RRM2: variants seen among roughly 807,000 people sequenced by gnomAD.
RRM2 encodes ribonucleotide reductase regulatory subunit M2.
A neutral mutation model predicts 45.9 loss-of-function variants in RRM2; 6 were observed. That is an observed-to-expected ratio of 0.13 (90% CI 0.07 to 0.26). The LOEUF is 0.26. Ranked by LOEUF, RRM2 falls within the 10% of genes least tolerant of loss-of-function variation. The pLI, the probability that RRM2 is intolerant of heterozygous loss-of-function variation, is 1.00. For synonymous variants in RRM2, 177 were observed against 173.0 expected (o/e 1.02, Z -0.18); for missense variants, 343 against 489.5 (o/e 0.70, Z 2.82).
intron 3 of RRM2, among the ~76,000 whole-genome samples, chr2:10,162,710 G>A (rs1348392334): frequency 6.6e-6 from 1 of 151,420 alleles, no homozygotes; most frequent in Non-Finnish European, 1.5e-5. Context: ...CGAGGCCTGG[G>A]GAGTCACAGC....
At chr2:10,122,652 G>A, upstream of RRM2, 5 of 1,547,872 alleles carry the variant, frequency 3.2e-6, no homozygotes, top group Non-Finnish European at 4.4e-6. Flanking sequence ...ACAGCCAATG[G>A]GAAGGGCCGG....
Position 10,172,018 on chromosome 2 carries a change from G to A in RRM2, n.482+29643G>A, listed in dbSNP as rs547779886. Among the ~76,000 whole-genome samples, 3 of 152,184 alleles carry A rather than the reference G, an allele frequency of 2.0e-5. No homozygotes were observed. Among genetic ancestry groups the A allele is most frequent in the Non-Finnish European group, 4.4e-5 (3 of 68,026 alleles). On this transcript the variant is annotated intron_variant and non_coding_transcript_variant, in intron 3 of 3. Coordinates refer to the RRM2 transcript ENST00000381786. This position sits in a 1 kb window ranked among gnomAD's most constrained non-coding sequence, Gnocchi z 4.9. ...CAGAGGAGCCCTGCTAGTCCAGGCC[G>A]GGCCAGCGCCCAAGGATGAGGGGAA...
intron 5 of RRM2, 163 bp from the exon 6 acceptor site, chr2:10,126,712 C>A: frequency 3.1e-6 from 2 of 642,614 alleles, no homozygotes; most frequent in South Asian, 1.9e-5. Flanking sequence ...GAGGGAAAAA[C>A]TGACCAGTAA....
At chr2:10,190,233 ATGATGGTGG>A (rs1330673238) in intron 3 of RRM2, among the ~76,000 whole-genome samples, 5 of 136,494 alleles carry the variant, frequency 3.7e-5, no homozygotes, top group East Asian at 4.8e-4. Flanking sequence ...AGTGATGGTG[ATGATGGTGG>A]TGATGGTGGT....
intron 3 of RRM2, among the ~76,000 whole-genome samples, chr2:10,154,764 C>CAACACT (rs1663391529): frequency 7.2e-6 from 1 of 138,626 alleles, no homozygotes; most frequent in African/African-American, 2.7e-5. Flanking sequence ...GGCGCGATCT[C>CAACACT]GGCTCACTGC....
upstream of RRM2, among the ~76,000 whole-genome samples, chr2:10,138,232 A>G (rs1290881295): frequency 6.6e-6 from 1 of 150,544 alleles, no homozygotes; most frequent in East Asian, 1.9e-4. Context: ...CAATGGCGCA[A>G]TCTCAGCTCA....
rs1261198163 is a variant in RRM2 at position 10,172,720 on chromosome 2, G to A, written n.482+30345G>A. Among the ~76,000 whole-genome samples the A allele has an allele frequency of 6.6e-6, 1 of 152,206 alleles. No homozygotes were observed. Among genetic ancestry groups the A allele is most frequent in the African/African-American group, 2.4e-5 (1 of 41,442 alleles). On this transcript the variant is annotated intron_variant and non_coding_transcript_variant, in intron 3 of 3. Transcript: ENST00000381786. The surrounding 1 kb of genome is among the most constrained non-coding windows in gnomAD (Gnocchi z 4.9). ...CCTGGCGAAGGGAGGGGCTGGGTGT[G>A]TTGTTGCTGCACCCAGGACTGCCCA... is the stretch of plus-strand genomic sequence containing the variant.
intron 3 of RRM2, among the ~76,000 whole-genome samples, chr2:10,147,493 C>T (rs1273481416): frequency 1.3e-5 from 2 of 151,974 alleles, no homozygotes; most frequent in African/African-American, 4.8e-5. Flanking sequence ...GTTGCCCAGG[C>T]AACAAGCAAA....
At position 10,129,427 on chromosome 2, in the gene RRM2, T is replaced by C. The variant is rs1186886752; in HGVS notation, c.*41T>C. 1.9e-6 allele frequency: 3 copies of C among 1,569,322 alleles called. No individual in the cohort carries two copies. Among genetic ancestry groups the C allele is most frequent in the African/African-American group, 2.8e-5 (2 of 72,674 alleles). ...GCCCTTACTTGGCTGATTTTTTTTT[T>C]CCATCTCATAAGAAAAATCAGCTGA... On this transcript the variant is annotated 3_prime_UTR_variant, in exon 10 of 10. Transcript: ENST00000304567. This position sits in a 1 kb window ranked among gnomAD's most constrained non-coding sequence, Gnocchi z 4.8.
In RRM2 at chr2:10,126,866, G is replaced by T. The variant is rs745863235; in HGVS notation, c.570-9G>T. On this transcript the variant is annotated splice_polypyrimidine_tract_variant and intron_variant, in intron 5 of 9. Coordinates refer to ENST00000304567, the MANE Select transcript of RRM2 (RefSeq NM_001034.4). Reference sequence around the variant, plus strand: ...TGCTTCAATTGCTGATACCGTATGTGCCTACTAGGGAATTTCTCTTCAATG... The same window carrying T: ...TGCTTCAATTGCTGATACCGTATGTTCCTACTAGGGAATTTCTCTTCAATG... 1 of 1,609,132 alleles carries T rather than the reference G, an allele frequency of 6.2e-7. No homozygotes were observed. The highest frequency in any genetic ancestry group is 1.7e-5 in the Admixed American group (1 of 59,678).
upstream of RRM2, chr2:10,122,646 C>T: frequency 6.5e-7 from 1 of 1,546,534 alleles, no homozygotes; most frequent in Non-Finnish European, 8.7e-7. Context: ...CATGGCACAG[C>T]CAATGGGAAG....
At position 10,126,981 on chromosome 2, in the gene RRM2, C is replaced by T; in HGVS notation, c.664+12C>T. On this transcript the variant is annotated intron_variant, in intron 6 of 9. Coordinates refer to ENST00000304567, the MANE Select transcript of RRM2 (RefSeq NM_001034.4). ...AGAGGCTACCTATGGTAAGGAGACC[C>T]TTGCCCCTACTTAAACCTGAGCTTC... The T allele has an allele frequency of 6.2e-7, 1 of 1,613,272 alleles. No individual in the cohort carries two copies.
intron 3 of RRM2, among the ~76,000 whole-genome samples, chr2:10,209,312 C>T (rs1312388589): frequency 6.6e-6 from 1 of 152,048 alleles, no homozygotes; most frequent in African/African-American, 2.4e-5. Context: ...CTGATCTTGG[C>T]CTCCCAAAGT....
intron 3 of RRM2, among the ~76,000 whole-genome samples, chr2:10,203,332 A>G (rs1327480118): frequency 6.6e-6 from 1 of 152,240 alleles, no homozygotes; most frequent in African/African-American, 2.4e-5. Context: ...ACTGCCACCC[A>G]CTAGCTGTGT....
chr2:10,152,881 AGTATGGAG>A (rs932372563), intron 3 of RRM2, among the ~76,000 whole-genome samples: 13 of 152,338 alleles, frequency 8.5e-5, no homozygotes, highest in Non-Finnish European at 1.5e-4. Flanking sequence ...TATGGAAAGC[AGTATGGAG>A]GTTTCTAAAT....
At chr2:10,176,830 T>A (rs1663924462) in intron 3 of RRM2, among the ~76,000 whole-genome samples, 1 of 152,260 alleles carries the variant, frequency 6.6e-6, no homozygotes, top group Non-Finnish European at 1.5e-5. Flanking sequence ...GTACACATTT[T>A]CTGGTGGTCA....
chr2:10,188,502 C>T (rs1226459277), intron 3 of RRM2, among the ~76,000 whole-genome samples: 2 of 152,100 alleles, frequency 1.3e-5, no homozygotes, highest in Non-Finnish European at 2.9e-5. Context: ...GATTAGGGTC[C>T]CACCCTTAGG....
At position 10,171,002 on chromosome 2, in the gene RRM2, T is replaced by TG. The variant is rs1166779099; in HGVS notation, n.482+28628dup. On this transcript the variant is annotated intron_variant and non_coding_transcript_variant, in intron 3 of 3. Coordinates refer to the RRM2 transcript ENST00000381786. The surrounding 1 kb of genome is among the most constrained non-coding windows in gnomAD (Gnocchi z 4.1). ...CTCGGGGCTGCAAGCTCCTTTGAGA[T>TG]GCGGGGCTCAGGCCTCATCAGGGGA... 1.3e-5 allele frequency among the ~76,000 whole-genome samples: 2 copies of TG among 152,198 alleles called. No individual in the cohort carries two copies. Among genetic ancestry groups the TG allele is most frequent in the Admixed American group, 6.5e-5 (1 of 15,288 alleles).
exon 4 of RRM2, chr2:10,210,500 C>T (rs776733029): frequency 7.3e-6 from 10 of 1,367,726 alleles, no homozygotes; most frequent in Admixed American, 5.7e-5. Flanking sequence ...GCACAGAGGG[C>T]GCTGGGCTCC....
Sources: gnomAD v4.1 joint callset for allele counts (sites outside exome capture counted in the v4.1 genomes callset) on GRCh38, gnomAD v4.1.1 for gene constraint, Gnocchi (gnomAD v3.1) non-coding constraint, MANE v1.5 for transcripts, NCBI Gene and HGNC (gene_info 2026-07-23, HGNC 2026-07-21) for gene names.